The following SMARCA2 variants were observed in gnomAD, a reference collection of about 807,000 sequenced individuals.
SMARCA2 encodes the protein SWI/SNF related BAF chromatin remodeling complex subunit ATPase 2.
A neutral mutation model predicts 199.8 loss-of-function variants in SMARCA2; 61 were observed. The observed-to-expected ratio is 0.31, with a 90% CI of 0.25 to 0.38. SMARCA2 has a LOEUF of 0.38. SMARCA2 is among the 10% of genes least tolerant of loss of function. The probability of loss-of-function intolerance (pLI) is 1.00; values close to 1 mark genes in which losing one functional copy is unlikely to be tolerated. For missense variants in SMARCA2, 1,344 were observed against 2,012.2 expected, an observed-to-expected ratio of 0.67 and a Z score of 6.35; for synonymous variants, 935 against 732.0, an observed-to-expected ratio of 1.28 and a Z score of -4.48.
chr9:2,085,313 T>C (rs1048344355), intron 17 of SMARCA2, among the ~76,000 whole-genome samples: 1 of 152,240 alleles, frequency 6.6e-6, no homozygotes, highest in Non-Finnish European at 1.5e-5. Context: ...CTTCTGCATA[T>C]GTATTTCAAG....
At chr9:2,068,556 G>T (rs570016136) in intron 9 of SMARCA2, among the ~76,000 whole-genome samples, 1 of 152,168 alleles carries the variant, frequency 6.6e-6, no homozygotes. Context: ...AAAGACAGTT[G>T]AGTTATTTTC....
chr9:2,158,916 G>A (rs1253706147), intron 27 of SMARCA2: 2 of 1,609,622 alleles, frequency 1.2e-6, no homozygotes, highest in East Asian at 2.2e-5. Context: ...CTTTGGGGAG[G>A]AGGGAAGATG....
intron 10 of SMARCA2, 37 bp downstream of exon 10, chr9:2,070,508 A>G (rs1245437795): frequency 6.5e-7 from 1 of 1,527,798 alleles, no homozygotes; most frequent in African/African-American, 1.4e-5. Context: ...TGTTCTGCTG[A>G]ATGGAGTCTG....
rs1267010629 is a variant in SMARCA2 at position 2,110,214 on chromosome 9, C to T, written c.3293-40C>T. ...TGTCTCATTCTGTGCCATTTTCAGA[C>T]AAGAGTTAATTGGCAAATTAATTTT... is the stretch of plus-strand genomic sequence containing the variant. On this transcript the variant is annotated intron_variant, in intron 23 of 33. Coordinates refer to ENST00000349721, the MANE Select transcript of SMARCA2 (RefSeq NM_003070.5). The surrounding 1 kb of genome is among the most constrained non-coding windows in gnomAD (Gnocchi z 4.8). 4 of 1,521,724 alleles carry T rather than the reference C, an allele frequency of 2.6e-6. No individual in the cohort carries two copies. The African/African-American group carries it at 5.5e-5, about 21-fold the overall frequency. 94.3% of individuals were successfully genotyped at this position (1,521,724 alleles called of 1,614,324 possible). A position where few individuals can be genotyped will look rare whatever the true frequency, so the allele number is the denominator to read the frequency against.
At chr9:2,087,193 T>C in intron 18 of SMARCA2, 122 bp downstream of exon 18, 1 of 1,217,018 alleles carries the variant, frequency 8.2e-7, no homozygotes, top group Non-Finnish European at 1.2e-6. Flanking sequence ...GTTTATTTTA[T>C]GAAACCCATC....
In SMARCA2 at chr9:2,115,737, C is replaced by A; in HGVS notation, c.3457-85C>A. The A allele has an allele frequency of 2.0e-6, 2 of 1,020,562 alleles. No homozygotes were observed. The highest frequency in any genetic ancestry group is 3.0e-6 in the Non-Finnish European group (2 of 671,746). 63.2% of individuals were successfully genotyped at this position (1,020,562 alleles called of 1,614,324 possible). On this transcript the variant is annotated intron_variant, in intron 24 of 33. Coordinates refer to ENST00000349721, the MANE Select transcript of SMARCA2 (RefSeq NM_003070.5). The surrounding 1 kb of genome is among the most constrained non-coding windows in gnomAD (Gnocchi z 6.0). ...AGTGAAGGTGAAATACAGAACCCTTCCATATTTCCCTCTGGGGTGGGGTCC... is the reference window on the plus strand; with the variant it reads ...AGTGAAGGTGAAATACAGAACCCTTACATATTTCCCTCTGGGGTGGGGTCC...
chr9:2,187,372 A>G (rs1827541931), intron 32 of SMARCA2, among the ~76,000 whole-genome samples: 1 of 152,136 alleles, frequency 6.6e-6, no homozygotes, highest in African/African-American at 2.4e-5. Context: ...TGCTGTCAGA[A>G]GTTGAAAATT....
At chr9:2,171,199 A>C (rs1658812952) in intron 29 of SMARCA2, among the ~76,000 whole-genome samples, 1 of 152,202 alleles carries the variant, frequency 6.6e-6, no homozygotes, top group Non-Finnish European at 1.5e-5. Context: ...GCTCTTATTA[A>C]TATAAGAGAG....
At chr9:2,085,345 A>G (rs1821754739) in intron 17 of SMARCA2, among the ~76,000 whole-genome samples, 1 of 152,208 alleles carries the variant, frequency 6.6e-6, no homozygotes, top group South Asian at 2.1e-4. Context: ...ACGCCTGGTA[A>G]TGAGATGCAC....
At chr9:2,092,034 A>G (rs1304818639) in intron 19 of SMARCA2, among the ~76,000 whole-genome samples, 1 of 152,228 alleles carries the variant, frequency 6.6e-6, no homozygotes, top group Non-Finnish European at 1.5e-5. Context: ...AGCTGTTGTC[A>G]TAAAATCCAT....
chr9:2,119,645 T>C lies in SMARCA2; in HGVS notation c.3762+110T>C. On this transcript the variant is annotated intron_variant, in intron 26 of 33. Coordinates refer to ENST00000349721, the MANE Select transcript of SMARCA2 (RefSeq NM_003070.5). The surrounding 1 kb of genome is among the most constrained non-coding windows in gnomAD (Gnocchi z 4.6). ...CTGGCAGAACTTCATACGTAAAGCCTATGCCTTTCCTTCAGTTCAGAGGCT... is the reference window on the plus strand; with the variant it reads ...CTGGCAGAACTTCATACGTAAAGCCCATGCCTTTCCTTCAGTTCAGAGGCT... 1 of 720,556 alleles carries C rather than the reference T, an allele frequency of 1.4e-6. No homozygotes were observed. Among genetic ancestry groups the C allele is most frequent in the Non-Finnish European group, 2.4e-6 (1 of 411,300 alleles). The allele number at this position is 720,556 out of a possible 1,614,324, so 44.6% of individuals were successfully genotyped here.
At chr9:2,036,358 G>C (rs751699127) in intron 3 of SMARCA2, among the ~76,000 whole-genome samples, 5 of 152,066 alleles carry the variant, frequency 3.3e-5, no homozygotes, top group Non-Finnish European at 7.4e-5. Context: ...GCCACTTTTT[G>C]ACTACTTTCG....
chr9:2,173,783 C>T (rs1206290922), intron 29 of SMARCA2, among the ~76,000 whole-genome samples: 1 of 152,136 alleles, frequency 6.6e-6, no homozygotes, highest in Non-Finnish European at 1.5e-5. Context: ...CTTAACCCAG[C>T]ATCTCCCAAA....
At chr9:2,181,021 C>T (rs1037715523) in intron 29 of SMARCA2, among the ~76,000 whole-genome samples, 4 of 151,760 alleles carry the variant, frequency 2.6e-5, no homozygotes, top group Admixed American at 1.3e-4. Flanking sequence ...ATGTAAAATA[C>T]CCTAAAGGAA....
At chr9:2,178,589 G>A (rs1413931542) in intron 29 of SMARCA2, among the ~76,000 whole-genome samples, 3 of 152,016 alleles carry the variant, frequency 2.0e-5, no homozygotes, top group Non-Finnish European at 4.4e-5. Flanking sequence ...GCCGGGGGCA[G>A]GGTGGTGCAT....
At chr9:2,080,394 A>G (rs1358346487) in intron 14 of SMARCA2, among the ~76,000 whole-genome samples, 1 of 152,172 alleles carries the variant, frequency 6.6e-6, no homozygotes, top group Non-Finnish European at 1.5e-5. Context: ...TCTGTTTTGT[A>G]TTGAATTAGC....
chr9:2,099,645 CAA>C (rs566942801), intron 21 of SMARCA2, among the ~76,000 whole-genome samples: 131 of 152,196 alleles, frequency 8.6e-4, no homozygotes, highest in African/African-American at 3.1e-3. Flanking sequence ...TCCCTAGAAA[CAA>C]GAGATCCACA....
At chr9:2,059,124 A>G (rs975234930) in intron 8 of SMARCA2, among the ~76,000 whole-genome samples, 4 of 152,110 alleles carry the variant, frequency 2.6e-5, no homozygotes, top group African/African-American at 4.8e-5. Context: ...TTGACCATTT[A>G]TTTTTGGAAT....
At chr9:2,159,956 A>G (rs1391420663) in intron 27 of SMARCA2, 4 of 1,575,352 alleles carry the variant, frequency 2.5e-6, no homozygotes, top group African/African-American at 2.7e-5. Flanking sequence ...GTAGAACTAC[A>G]TCCCAGGCAT....
Sources: gnomAD v4.1 joint callset for allele counts (sites outside exome capture counted in the v4.1 genomes callset) on GRCh38, gnomAD v4.1.1 for gene constraint, Gnocchi (gnomAD v3.1) non-coding constraint, MANE v1.5 for transcripts, NCBI Gene and HGNC (gene_info 2026-07-23, HGNC 2026-07-21) for gene names.